RORA: variants seen among roughly 807,000 people sequenced by gnomAD.
RORA encodes nuclear receptor ROR-alpha.
RORA carries 7 observed loss-of-function variants against 69.5 expected under a neutral mutation model. The ratio of observed to expected loss-of-function variants is 0.10; its 90% confidence interval spans 0.06 to 0.19. The LOEUF (loss-of-function observed/expected upper bound fraction) is 0.19, where lower values mean the gene tolerates loss of function less well. RORA is among the 10% of genes least tolerant of loss of function. The pLI is 1.00. For synonymous variants in RORA, 261 were observed against 240.8 expected, an observed-to-expected ratio of 1.08 and a Z score of -0.78; for missense variants, 457 against 663.0, an observed-to-expected ratio of 0.69 and a Z score of 3.41.
At chr15:61,139,608 G>A (rs539169737) in intron 1 of RORA, among the ~76,000 whole-genome samples, 1 of 152,280 alleles carries the variant, frequency 6.6e-6, no homozygotes, top group Non-Finnish European at 1.5e-5. Flanking sequence ...AAGGGACTTC[G>A]TTCTCACTGT....
rs546919129 is a variant in RORA at position 61,186,979 on chromosome 15, A to G, written c.166+42074T>C. ...TTGGAGGCAGCTGAGAGGTGATTGTATCTGGAGAGCACACGGACTACTTAT... is the reference window on the plus strand; with the variant it reads ...TTGGAGGCAGCTGAGAGGTGATTGTGTCTGGAGAGCACACGGACTACTTAT... On this transcript the variant is annotated intron_variant, in intron 1 of 10. Coordinates refer to ENST00000335670, the MANE Select transcript of RORA (RefSeq NM_134261.3). Among the ~76,000 whole-genome samples the G allele has an allele frequency of 3.3e-5, 5 of 152,348 alleles. No individual in the cohort carries two copies. In the South Asian group the frequency reaches 8.3e-4, roughly 25 times the overall value.
intron 1 of RORA, among the ~76,000 whole-genome samples, chr15:60,991,204 T>A (rs1894365688): frequency 6.6e-6 from 1 of 152,192 alleles, no homozygotes; most frequent in Admixed American, 6.5e-5. Flanking sequence ...ACTTCCTGTA[T>A]CAAGCTGACT....
chr15:60,835,251 C>G (rs573592861), intron 1 of RORA, among the ~76,000 whole-genome samples: 167 of 152,188 alleles, frequency 1.1e-3, no homozygotes, highest in Non-Finnish European at 2.2e-3. Flanking sequence ...TAAAGGAGAT[C>G]AGGCTTGGCT....
intron 2 of RORA, among the ~76,000 whole-genome samples, chr15:60,574,727 T>C (rs1390076070): frequency 6.6e-6 from 1 of 152,136 alleles, no homozygotes; most frequent in Admixed American, 6.5e-5. Flanking sequence ...CCCTATGAGG[T>C]AGATGTTATT....
chr15:60,743,134 C>T (rs2071598597), intron 1 of RORA, among the ~76,000 whole-genome samples: 1 of 151,226 alleles, frequency 6.6e-6, no homozygotes, highest in Non-Finnish European at 1.5e-5. Context: ...TGTGCCTCAG[C>T]CTCCTGAGTA....
chr15:60,724,154 A>T (rs1262020985), intron 1 of RORA, among the ~76,000 whole-genome samples: 1 of 152,196 alleles, frequency 6.6e-6, no homozygotes, highest in Admixed American at 6.5e-5. Flanking sequence ...AAGCCACCTC[A>T]AATCCTCTTG....
At chr15:60,499,787 G>C in intron 10 of RORA, 105 bp downstream of exon 10, 1 of 645,054 alleles carries the variant, frequency 1.6e-6, no homozygotes, top group Non-Finnish European at 2.7e-6. Context: ...GTTGCCTTCT[G>C]ATACTTTTGG....
At chr15:61,205,603 G>C (rs1431607411) in intron 1 of RORA, among the ~76,000 whole-genome samples, 1 of 152,166 alleles carries the variant, frequency 6.6e-6, no homozygotes, top group African/African-American at 2.4e-5. Context: ...AGGGCAACAG[G>C]ATACCTAAGG....
chr15:60,872,198 G>C (rs753740150), intron 1 of RORA, among the ~76,000 whole-genome samples: 1 of 152,066 alleles, frequency 6.6e-6, no homozygotes, highest in Non-Finnish European at 1.5e-5. Context: ...ATCTTGCATT[G>C]GCCATTTAAC....
At chr15:61,177,604 CAA>C (rs1291942409) in intron 1 of RORA, among the ~76,000 whole-genome samples, 8 of 151,650 alleles carry the variant, frequency 5.3e-5, no homozygotes, top group Admixed American at 3.9e-4. Context: ...GGGTGGGAGT[CAA>C]AGAGAGGCAT....
chr15:60,826,694 C>T (rs2072963537), intron 1 of RORA, among the ~76,000 whole-genome samples: 2 of 147,164 alleles, frequency 1.4e-5, no homozygotes, highest in South Asian at 4.3e-4. Flanking sequence ...TATAATTTAT[C>T]TGAAAATGAC....
At chr15:60,561,082 G>GTTTTTTTTTT (rs571970599) in intron 2 of RORA, among the ~76,000 whole-genome samples, 4 of 122,048 alleles carry the variant, frequency 3.3e-5, no homozygotes, top group African/African-American at 9.2e-5. Context: ...TTTTGTTTTT[G>GTTTTTTTTTT]TTTTTTTTTT....
chr15:61,023,598 G>A (rs956680401), intron 1 of RORA, among the ~76,000 whole-genome samples: 2 of 152,214 alleles, frequency 1.3e-5, no homozygotes, highest in Non-Finnish European at 2.9e-5. Flanking sequence ...GCAGGGTTAT[G>A]GAAAGGTGGG....
chr15:60,505,533 T>C lies in RORA; in HGVS notation c.917A>G (p.Glu306Gly). The C allele has an allele frequency of 6.2e-7, 1 of 1,614,044 alleles. No homozygotes were observed. The highest frequency in any genetic ancestry group is 8.5e-7 in the Non-Finnish European group (1 of 1,179,924). The change falls in exon 6 of 11, where the codon GAA becomes GGA. Residue 306 changes from glutamate (E) to glycine (G), a missense_variant. By Grantham distance (98) the Glu-to-Gly change is moderately conservative. Around this residue, in one of 3 missense-constraint regions of RORA, gnomAD observed 304 missense variants for 447.4 expected, o/e 0.68. Coordinates refer to ENST00000335670, the MANE Select transcript of RORA (RefSeq NM_134261.3). ...CTTGTTTTGATAGTTCTCAATTTCT[T>C]CCTGTAAAAAGGTCTGCCACGTTAT... ...QQITWQTFLQ[E>G]EIENYQNKQR...
At chr15:60,853,717 C>A (rs1371017336) in intron 1 of RORA, among the ~76,000 whole-genome samples, 1 of 152,162 alleles carries the variant, frequency 6.6e-6, no homozygotes, top group Non-Finnish European at 1.5e-5. Flanking sequence ...ATGCCACTAA[C>A]TAATTTGTTG....
At chr15:60,992,903 T>C (rs1359443661) in intron 1 of RORA, among the ~76,000 whole-genome samples, 2 of 152,136 alleles carry the variant, frequency 1.3e-5, no homozygotes, top group African/African-American at 4.8e-5. Flanking sequence ...TGGATCCGCA[T>C]ACCAAAAAAC....
chr15:60,881,919 T>C (rs917286879), intron 1 of RORA, among the ~76,000 whole-genome samples: 23 of 152,372 alleles, frequency 1.5e-4, no homozygotes, highest in African/African-American at 5.3e-4. Context: ...CATCACCTTG[T>C]TGGCTTACAA....
At chr15:60,824,447 TAAA>T (rs3053880) in intron 1 of RORA, among the ~76,000 whole-genome samples, 2 of 145,334 alleles carry the variant, frequency 1.4e-5, no homozygotes, top group African/African-American at 2.5e-5. Context: ...CTTCCCTTAT[TAAA>T]AAAAAAAAAA....
intron 2 of RORA, among the ~76,000 whole-genome samples, chr15:60,677,513 G>A (rs2070571669): frequency 6.6e-6 from 1 of 151,938 alleles, no homozygotes; most frequent in Non-Finnish European, 1.5e-5. Context: ...GCCACGTGGA[G>A]AGACTGCAGG....
Sources: gnomAD v4.1 joint callset for allele counts (sites outside exome capture counted in the v4.1 genomes callset) on GRCh38, gnomAD v4.1.1 for gene constraint, gnomAD v4.1.1 regional missense constraint, MANE v1.5 for transcripts, NCBI Gene and HGNC (gene_info 2026-07-23, HGNC 2026-07-21) for gene names.